MNAT1: variants seen among roughly 807,000 people sequenced by gnomAD.
MNAT1 encodes the protein CDK-activating kinase assembly factor MAT1.
MNAT1 carries 43 observed loss-of-function variants against 42.0 expected under a neutral mutation model. The ratio of observed to expected loss-of-function variants is 1.02; its 90% confidence interval spans 0.80 to 1.32. MNAT1 has a LOEUF of 1.32. MNAT1 is among the 40% of genes most tolerant of loss of function. The probability of loss-of-function intolerance (pLI) is 0.00; values close to 1 mark genes in which losing one functional copy is unlikely to be tolerated. For missense variants in MNAT1, 306 were observed against 350.4 expected (o/e 0.87, Z 1.01); for synonymous variants, 118 against 120.0 (o/e 0.98, Z 0.11).
intron 1 of MNAT1, among the ~76,000 whole-genome samples, chr14:60,758,073 C>G (rs1366608129): frequency 6.6e-6 from 1 of 152,136 alleles, no homozygotes; most frequent in African/African-American, 2.4e-5. Context: ...AATCTGAGGT[C>G]ATACTATATG....
intron 7 of MNAT1, among the ~76,000 whole-genome samples, chr14:60,884,342 C>A (rs959718868): frequency 1.6e-4 from 24 of 152,060 alleles, no homozygotes; most frequent in Non-Finnish European, 1.0e-4. Context: ...GGTCCTCACT[C>A]TGTTGATATG....
At chr14:60,924,630 C>A (rs1594878985) in intron 7 of MNAT1, among the ~76,000 whole-genome samples, 2 of 23,458 alleles carry the variant, frequency 8.5e-5, no homozygotes. Context: ...AATAACATCA[C>A]CCTCCCTGAC....
chr14:60,876,320 T>G (rs1466008390), intron 6 of MNAT1, among the ~76,000 whole-genome samples: 1 of 152,060 alleles, frequency 6.6e-6, no homozygotes, highest in East Asian at 1.9e-4. Context: ...GAATGAAATT[T>G]CTGACATTAC....
intron 6 of MNAT1, among the ~76,000 whole-genome samples, chr14:60,835,570 C>T (rs764228079): frequency 6.6e-6 from 1 of 152,116 alleles, no homozygotes; most frequent in Non-Finnish European, 1.5e-5. Flanking sequence ...ATATTGGCCC[C>T]CACTCTCTTC....
intron 5 of MNAT1, among the ~76,000 whole-genome samples, chr14:60,816,707 T>C (rs766810701): frequency 1.5e-4 from 23 of 152,192 alleles, no homozygotes; most frequent in African/African-American, 5.3e-4. Flanking sequence ...AGAGCATGCA[T>C]GTTTCACATA....
intron 7 of MNAT1, among the ~76,000 whole-genome samples, chr14:60,913,766 C>G (rs966719593): frequency 2.6e-5 from 4 of 152,220 alleles, no homozygotes; most frequent in African/African-American, 7.2e-5. Flanking sequence ...TTAGGCTACT[C>G]TGGGGTCAGG....
At chr14:60,960,159 A>G (rs2036562548) in intron 7 of MNAT1, among the ~76,000 whole-genome samples, 1 of 152,136 alleles carries the variant, frequency 6.6e-6, no homozygotes, top group South Asian at 2.1e-4. Flanking sequence ...GGAATCAAAT[A>G]GGTTACCTTG....
intron 1 of MNAT1, among the ~76,000 whole-genome samples, chr14:60,739,772 T>C (rs1438695210): frequency 6.6e-6 from 1 of 152,232 alleles, no homozygotes; most frequent in East Asian, 1.9e-4. Flanking sequence ...AGGCCACCTA[T>C]TTCAAGAAAT....
At chr14:60,772,139 G>A (rs946252711) in intron 1 of MNAT1, among the ~76,000 whole-genome samples, 2 of 152,110 alleles carry the variant, frequency 1.3e-5, no homozygotes, top group Non-Finnish European at 2.9e-5. Context: ...TTAAAATTAA[G>A]ATCAAAACCA....
intron 5 of MNAT1, among the ~76,000 whole-genome samples, chr14:60,815,704 A>G (rs2032692937): frequency 6.6e-6 from 1 of 152,182 alleles, no homozygotes; most frequent in Non-Finnish European, 1.5e-5. Flanking sequence ...CTTCACCTGC[A>G]AGTCATTACT....
chr14:60,851,871 G>A lies in MNAT1; in HGVS notation c.688-27843G>A, dbSNP rs189442511. ...TCAGCTTCATCCATGTCCCTGCAAA[G>A]GACATGAACTCTTTCTTTTTTATGG... On this transcript the variant is annotated intron_variant, in intron 6 of 7. Transcript: ENST00000261245. Among the ~76,000 whole-genome samples, 1,235 of 152,216 alleles carry A rather than the reference G, an allele frequency of 8.1e-3. 49 individuals carry two copies. Among genetic ancestry groups the A allele is most frequent in the Admixed American group, 0.068 (1,040 of 15,286 alleles).
At chr14:60,835,297 T>C (rs1281527289) in intron 6 of MNAT1, among the ~76,000 whole-genome samples, 3 of 152,158 alleles carry the variant, frequency 2.0e-5, no homozygotes, top group Non-Finnish European at 4.4e-5. Flanking sequence ...GTCATGATGC[T>C]AGCTGGTTAT....
At chr14:60,963,781 A>T (rs2036637152) in intron 7 of MNAT1, among the ~76,000 whole-genome samples, 1 of 152,232 alleles carries the variant, frequency 6.6e-6, no homozygotes, top group African/African-American at 2.4e-5. Context: ...GTTTGAACCA[A>T]TCCAAGTTTT....
chr14:60,854,018 A>T (rs1456014897), intron 6 of MNAT1, among the ~76,000 whole-genome samples: 1 of 151,672 alleles, frequency 6.6e-6, no homozygotes, highest in Non-Finnish European at 1.5e-5. Context: ...TTTTTTTCTA[A>T]TCTTGTCTTC....
chr14:60,953,071 C>T (rs575290473), intron 7 of MNAT1, among the ~76,000 whole-genome samples: 182 of 151,490 alleles, frequency 1.2e-3, no homozygotes, highest in African/African-American at 4.0e-3. Context: ...TTAATGGTAA[C>T]CAGAGTCAAA....
intron 3 of MNAT1, among the ~76,000 whole-genome samples, chr14:60,806,830 T>G (rs2284703): frequency 0.95 from 144,175 of 152,280 alleles, 68,523 homozygotes; most frequent in Non-Finnish European, 0.99. Context: ...GAGGTAGATT[T>G]TGAGTGGTTG....
intron 1 of MNAT1, among the ~76,000 whole-genome samples, chr14:60,744,431 C>G (rs1285255845): frequency 6.7e-6 from 1 of 149,570 alleles, no homozygotes; most frequent in Non-Finnish European, 1.5e-5. Flanking sequence ...CACGCCCAGC[C>G]ATCTCAGGGT....
rs557769294 is a variant in MNAT1, at chr14:60,866,061, A to G, written c.688-13653A>G. On this transcript the variant is annotated intron_variant, in intron 6 of 7. Transcript: ENST00000261245. The stretch of plus-strand genomic sequence containing the variant: ...TAGAATCATATCGTACATGCATTTA[A>G]TTTGCTTGAATTCAACTAAAGTTGA... 7.6e-4 allele frequency among the ~76,000 whole-genome samples: 116 copies of G among 152,242 alleles called. No homozygotes were observed. In the South Asian group the frequency reaches 8.3e-3, roughly 11 times the overall value.
chr14:60,823,385 G>A (rs1054807116), intron 6 of MNAT1, among the ~76,000 whole-genome samples: 1 of 152,134 alleles, frequency 6.6e-6, no homozygotes, highest in African/African-American at 2.4e-5. Flanking sequence ...CTTACCCTGA[G>A]TTTGTTTGTA....
Sources: allele counts gnomAD v4.1 joint callset (sites outside exome capture counted in the v4.1 genomes callset), GRCh38; gene constraint gnomAD v4.1.1; transcripts MANE v1.5; gene names NCBI Gene and HGNC (gene_info 2026-07-23, HGNC 2026-07-21).